HDLBP: variants seen among roughly 807,000 people sequenced by gnomAD.
HDLBP encodes vigilin.
A neutral mutation model predicts 137.3 loss-of-function variants in HDLBP; 30 were observed. The ratio of observed to expected loss-of-function variants is 0.22; its 90% CI spans 0.16 to 0.30. The LOEUF is 0.30. HDLBP is among the 10% of genes least tolerant of loss of function. The pLI is 1.00. For synonymous variants in HDLBP, 606 were observed against 596.0 expected (o/e 1.02, Z -0.24); for missense variants, 1,119 against 1,667.3 (o/e 0.67, Z 5.73).
intron 20 of HDLBP, among the ~76,000 whole-genome samples, chr2:241,237,304 G>A (rs373672239): frequency 6.6e-6 from 1 of 152,312 alleles, no homozygotes; most frequent in African/African-American, 2.4e-5. Context: ...GAAAGCGAGA[G>A]CCCCAGAAGT....
chr2:241,235,357 C>T lies in HDLBP; in HGVS notation c.3010-102G>A, dbSNP rs140423366. ...AGTGGTGAGAGGGAAGGCCACCCGC[C>T]GTGAAGGGAAGTCAGTGCCCAGTCC... On this transcript the variant is annotated intron_variant, in intron 22 of 27. Coordinates refer to ENST00000310931, the MANE Select transcript of HDLBP (RefSeq NM_005336.6). 251 of 1,551,244 alleles carry T rather than the reference C, an allele frequency of 1.6e-4. 1 individual carries two copies. In the East Asian group the frequency reaches 4.6e-3, roughly 29 times the overall value.
Position 241,238,723 on chromosome 2 carries a change from T to C in HDLBP, c.2675A>G (p.Lys892Arg), listed in dbSNP as rs763163799. The C allele has an allele frequency of 2.5e-6, 4 of 1,590,734 alleles. No homozygotes were observed. The highest frequency in any genetic ancestry group is 2.3e-5 in the East Asian group (1 of 44,164). Residue 892 changes from lysine (K) to arginine (R), a missense_variant, in exon 20 of 28, where the codon AAA becomes AGA. Lys to Arg is a conservative substitution (Grantham distance 26). Around this residue, in one of 4 missense-constraint regions of HDLBP, gnomAD observed 618 missense variants for 816.7 expected, o/e 0.76. Transcript: ENST00000310931. This position sits in a 1 kb window ranked among gnomAD's most constrained non-coding sequence, Gnocchi z 4.9. Reference protein sequence around the residue: ...QKFHRSVMGPKGSRIQQITRD... With the variant: ...QKFHRSVMGPRGSRIQQITRD... Reference sequence around the variant, plus strand: ...AGTAATCTGCTGGATTCTGGAACCTTTGGGGCCCATGACAGATCGATGGAA... The same window carrying C: ...AGTAATCTGCTGGATTCTGGAACCTCTGGGGCCCATGACAGATCGATGGAA...
chr2:241,276,798 C>A (rs972456061), intron 1 of HDLBP, among the ~76,000 whole-genome samples: 6 of 152,016 alleles, frequency 3.9e-5, no homozygotes, highest in African/African-American at 1.4e-4. Context: ...AAAGTAAAAA[C>A]TGAAGGTTAC....
chr2:241,285,591 C>T (rs1419287311), intron 1 of HDLBP, among the ~76,000 whole-genome samples: 1 of 152,222 alleles, frequency 6.6e-6, no homozygotes, highest in Non-Finnish European at 1.5e-5. Flanking sequence ...CTCAGTTTTA[C>T]TTGCTCTCAA....
chr2:241,303,983 CTA>C (rs2075479490), intron 1 of HDLBP, among the ~76,000 whole-genome samples: 1 of 152,040 alleles, frequency 6.6e-6, no homozygotes, highest in South Asian at 2.1e-4. Context: ...TAACTTTTTT[CTA>C]TATTTTGTAG....
rs2149289151 is a variant in HDLBP, at chr2:241,227,291, T to C, written c.*2310A>G. 1 of 152,630 alleles carries C rather than the reference T, an allele frequency of 6.6e-6. No homozygotes were observed. Among genetic ancestry groups the C allele is most frequent in the South Asian group, 2.1e-4 (1 of 4,830 alleles). The allele number at this position is 152,630 out of a possible 1,614,324, so 9.5% of individuals were successfully genotyped here. A position where few individuals can be genotyped will look rare whatever the true frequency, so the allele number is the denominator to read the frequency against. ...ACAAAATGAGTCCCAGCATGCTACA[T>C]CTGGTTTCGGGTTTTATTTTAGAAT... On this transcript the variant is annotated 3_prime_UTR_variant, in exon 28 of 28. Transcript: ENST00000310931.
At chr2:241,290,859 A>G (rs1197107138) in intron 1 of HDLBP, among the ~76,000 whole-genome samples, 1 of 152,256 alleles carries the variant, frequency 6.6e-6, no homozygotes, top group Non-Finnish European at 1.5e-5. Flanking sequence ...ATAATTTGAC[A>G]ATATATTCCA....
intron 1 of HDLBP, among the ~76,000 whole-genome samples, chr2:241,276,878 G>A (rs925089926): frequency 2.0e-5 from 3 of 151,906 alleles, no homozygotes; most frequent in Non-Finnish European, 4.4e-5. Context: ...ACAGGTTATG[G>A]GATTGGAAAA....
At chr2:241,291,604 A>G (rs2075015467) in intron 1 of HDLBP, among the ~76,000 whole-genome samples, 1 of 152,188 alleles carries the variant, frequency 6.6e-6, no homozygotes, top group African/African-American at 2.4e-5. Flanking sequence ...ACATTTCAGA[A>G]CCTCCAAAAT....
intron 1 of HDLBP, among the ~76,000 whole-genome samples, chr2:241,296,395 A>C (rs749268105): frequency 1.3e-5 from 2 of 152,214 alleles, no homozygotes; most frequent in Non-Finnish European, 2.9e-5. Flanking sequence ...CAAACCCTGA[A>C]GCCCTGAAGA....
chr2:241,277,946 A>C lies in HDLBP; in HGVS notation c.-102-9405T>G, dbSNP rs547726389. On this transcript the variant is annotated intron_variant, in intron 1 of 27. Coordinates refer to ENST00000310931, the MANE Select transcript of HDLBP (RefSeq NM_005336.6). The stretch of plus-strand genomic sequence containing the variant: ...ATTGCACTCCAGTCTGGGAAACAAA[A>C]GTGAAACTCCATCTCAAAAAAAACC... Among the ~76,000 whole-genome samples the C allele has an allele frequency of 6.3e-4, 96 of 152,124 alleles. 1 individual carries two copies. Among genetic ancestry groups the C allele is most frequent in the African/African-American group, 2.2e-3 (92 of 41,510 alleles).
chr2:241,299,458 T>C (rs1397266887), intron 1 of HDLBP, among the ~76,000 whole-genome samples: 2 of 132,218 alleles, frequency 1.5e-5, no homozygotes. Flanking sequence ...AGGCAGAGGT[T>C]GCAGTGAGCC....
At chr2:241,258,729 A>C (rs1043248708) in intron 5 of HDLBP, among the ~76,000 whole-genome samples, 5 of 152,186 alleles carry the variant, frequency 3.3e-5, no homozygotes, top group African/African-American at 9.7e-5. Context: ...TCAAGATAAT[A>C]AAAAATGCAA....
intron 1 of HDLBP, among the ~76,000 whole-genome samples, chr2:241,292,191 C>A (rs1172071936): frequency 6.6e-6 from 1 of 150,716 alleles, no homozygotes; most frequent in Non-Finnish European, 1.5e-5. Context: ...CTGCCCCCCA[C>A]CCCCCCAACA....
rs1319340889 is a variant in HDLBP, at chr2:241,236,575, G to T, written c.2904+40C>A. The stretch of plus-strand genomic sequence containing the variant: ...CGTCTCCCCAGGTGCCTGCTGACTG[G>T]GCCTTGGCGGGGGGTGGAGGGGGGC... On this transcript the variant is annotated intron_variant, in intron 21 of 27. Transcript: ENST00000310931. 1.9e-6 allele frequency: 3 copies of T among 1,606,728 alleles called. No homozygotes were observed. In the African/African-American group the frequency reaches 4.0e-5, roughly 21 times the overall value.
At chr2:241,276,179 G>C (rs1223866293) in intron 1 of HDLBP, among the ~76,000 whole-genome samples, 1 of 152,178 alleles carries the variant, frequency 6.6e-6, no homozygotes, top group Non-Finnish European at 1.5e-5. Flanking sequence ...ATTATTTGGG[G>C]AGAGGCTAGA....
At chr2:241,279,862 C>T in intron 1 of HDLBP, 1 of 963,854 alleles carries the variant, frequency 1.0e-6, no homozygotes, top group Non-Finnish European at 1.2e-6. Context: ...TTTTTAAGAA[C>T]CTAATTGTCA....
At chr2:241,288,562 C>T (rs1333781534) in intron 1 of HDLBP, among the ~76,000 whole-genome samples, 1 of 152,188 alleles carries the variant, frequency 6.6e-6, no homozygotes, top group Non-Finnish European at 1.5e-5. Context: ...TTACATGACT[C>T]CTTAGGGTCT....
chr2:241,304,550 G>A (rs759560408), intron 1 of HDLBP, among the ~76,000 whole-genome samples: 18 of 152,226 alleles, frequency 1.2e-4, no homozygotes, highest in Non-Finnish European at 1.6e-4. Context: ...AATGGCTTTA[G>A]GGCTGGGACT....
Sources: allele counts gnomAD v4.1 joint callset (sites outside exome capture counted in the v4.1 genomes callset), GRCh38; gene constraint gnomAD v4.1.1; regional missense constraint gnomAD v4.1.1; non-coding constraint Gnocchi (gnomAD v3.1); transcripts MANE v1.5; gene names NCBI Gene and HGNC (gene_info 2026-07-23, HGNC 2026-07-21).